The following GRM7 variants were observed in gnomAD, a reference collection of about 807,000 sequenced individuals.
GRM7 encodes the protein metabotropic glutamate receptor 7.
In GRM7, 35 loss-of-function variants were observed where a neutral mutation model predicts 84.5. The ratio of observed to expected loss-of-function variants is 0.41; its 90% CI spans 0.32 to 0.55. The LOEUF (loss-of-function observed/expected upper bound fraction) is 0.55. Ranked by LOEUF, GRM7 falls within the 20% of genes least tolerant of loss-of-function variation. GRM7 has a pLI of 0.19. For synonymous variants in GRM7, 487 were observed against 455.1 expected (o/e 1.07, Z -0.89); for missense variants, 1,003 against 1,194.6 (o/e 0.84, Z 2.36).
intron 8 of GRM7, among the ~76,000 whole-genome samples, chr3:7,669,090 A>T (rs767754222): frequency 6.6e-6 from 1 of 152,256 alleles, no homozygotes; most frequent in Non-Finnish European, 1.5e-5. Context: ...CGCCAATTCT[A>T]TTGCACTTGT....
intron 4 of GRM7, among the ~76,000 whole-genome samples, chr3:7,313,223 C>T (rs139451685): frequency 4.5e-4 from 69 of 152,262 alleles, no homozygotes; most frequent in African/African-American, 1.6e-3. Context: ...CCCACTGCGC[C>T]CAGCCTCTCC....
chr3:7,385,139 G>A (rs1051794442), intron 4 of GRM7, among the ~76,000 whole-genome samples: 8 of 151,824 alleles, frequency 5.3e-5, no homozygotes, highest in African/African-American at 1.4e-4. Flanking sequence ...ATCAAAATAA[G>A]GGAAAATGCA....
intron 1 of GRM7, among the ~76,000 whole-genome samples, chr3:6,924,336 G>A (rs1697227006): frequency 6.6e-6 from 1 of 152,128 alleles, no homozygotes; most frequent in Admixed American, 6.6e-5. Flanking sequence ...AAAATGAGAA[G>A]CATTTTGACC....
At chr3:7,396,071 C>T (rs1209737687) in intron 4 of GRM7, among the ~76,000 whole-genome samples, 1 of 151,850 alleles carries the variant, frequency 6.6e-6, no homozygotes, top group Admixed American at 6.6e-5. Context: ...AAATTAAAAC[C>T]AATATTTTAT....
intron 4 of GRM7, among the ~76,000 whole-genome samples, chr3:7,380,930 A>G (rs1196936117): frequency 6.6e-6 from 1 of 152,182 alleles, no homozygotes; most frequent in African/African-American, 2.4e-5. Flanking sequence ...AAAAATTTCT[A>G]TTAAAATGGA....
At chr3:7,038,711 C>T (rs1435287510) in intron 1 of GRM7, among the ~76,000 whole-genome samples, 1 of 152,188 alleles carries the variant, frequency 6.6e-6, no homozygotes, top group Non-Finnish European at 1.5e-5. Flanking sequence ...GGTTCTAATG[C>T]TGTGAACAGT....
intron 1 of GRM7, among the ~76,000 whole-genome samples, chr3:6,870,249 G>A (rs1475535745): frequency 2.0e-5 from 3 of 152,200 alleles, no homozygotes; most frequent in Non-Finnish European, 2.9e-5. Flanking sequence ...CTACTTTTAA[G>A]TAGGGTAATA....
chr3:7,479,408 G>T (rs767762310), intron 7 of GRM7, among the ~76,000 whole-genome samples: 35 of 151,980 alleles, frequency 2.3e-4, no homozygotes, highest in Admixed American at 7.9e-4. Flanking sequence ...AAGCAGAGAG[G>T]CAAAGAGTGC....
chr3:7,127,433 C>A lies in GRM7; in HGVS notation c.520-19019C>A, dbSNP rs1238720428. Among the ~76,000 whole-genome samples the A allele has an allele frequency of 1.3e-5, 2 of 152,126 alleles. 1 individual carries two copies. Among genetic ancestry groups the A allele is most frequent in the Non-Finnish European group, 2.9e-5 (2 of 68,022 alleles). On this transcript the variant is annotated intron_variant, in intron 1 of 9. Transcript: ENST00000357716. Reference sequence around the variant, plus strand: ...ACCCTAATAACCTGAATGACAGTATCTTATATAAATTTGAGTTAATAATTC... The same window carrying A: ...ACCCTAATAACCTGAATGACAGTATATTATATAAATTTGAGTTAATAATTC...
At chr3:7,452,566 GT>G in intron 5 of GRM7, 40 bp from the exon 6 acceptor site, 1 of 1,069,432 alleles carries the variant, frequency 9.4e-7, no homozygotes, top group East Asian at 2.3e-5. Context: ...ATTTGTGTGT[GT>G]GTGTGTGTGT....
At chr3:7,670,037 G>T (rs780708726) in intron 8 of GRM7, among the ~76,000 whole-genome samples, 21 of 147,072 alleles carry the variant, frequency 1.4e-4, no homozygotes, top group Non-Finnish European at 2.8e-4. Context: ...AACTAGCCTA[G>T]GTTCCAGCTG....
intron 8 of GRM7, among the ~76,000 whole-genome samples, chr3:7,637,796 C>G (rs1011335): frequency 0.87 from 132,514 of 152,228 alleles, 57,854 homozygotes; most frequent in African/African-American, 0.94. Flanking sequence ...AATATTAGCA[C>G]TGAAATGCAA....
At chr3:6,932,808 GC>G in intron 1 of GRM7, among the ~76,000 whole-genome samples, 1 of 139,482 alleles carries the variant, frequency 7.2e-6, no homozygotes, top group Non-Finnish European at 1.5e-5. Context: ...AGGCTGGAGT[GC>G]AATGGCGCGA....
At position 7,689,355 on chromosome 3, in the gene GRM7, C is replaced by T. The variant is rs185949327; in HGVS notation, c.2698+9060C>T. Among the ~76,000 whole-genome samples the T allele has an allele frequency of 1.4e-3, 216 of 152,304 alleles. 1 individual carries two copies. Among genetic ancestry groups the T allele is most frequent in the African/African-American group, 5.0e-3 (207 of 41,570 alleles). Reference sequence around the variant, plus strand: ...TCATGTTGGGACTCTCCCTCTTTAACATTCAATGTGTTATCTCTGCTGTAA... The same window carrying T: ...TCATGTTGGGACTCTCCCTCTTTAATATTCAATGTGTTATCTCTGCTGTAA... On this transcript the variant is annotated intron_variant, in intron 9 of 9. Coordinates refer to ENST00000357716, the MANE Select transcript of GRM7 (RefSeq NM_000844.4).
intron 4 of GRM7, among the ~76,000 whole-genome samples, 197 bp downstream of exon 4, chr3:7,306,849 A>G (rs1442281432): frequency 6.6e-6 from 1 of 152,190 alleles, no homozygotes; most frequent in African/African-American, 2.4e-5. Flanking sequence ...TGAGGAGATC[A>G]TATTATTTTC....
At position 7,578,984 on chromosome 3, in the gene GRM7, C is replaced by T; in HGVS notation, c.2078C>T (p.Ala693Val). Residue 693 changes from alanine (A) to valine (V), a missense_variant, in exon 8 of 10, where the codon GCT (alanine) becomes GTT (valine). Transcript: ENST00000357716. ...IFEQGKKSVT[A>V]PRLISPTSQL... The stretch of plus-strand genomic sequence containing the variant: ...GAGCAGGGCAAGAAATCAGTAACAG[C>T]TCCCAGACTCATAAGCCCAACATCA... The T allele has an allele frequency of 6.2e-7, 1 of 1,614,076 alleles. No individual in the cohort carries two copies. Among genetic ancestry groups the T allele is most frequent in the South Asian group, 1.1e-5 (1 of 91,078 alleles).
At chr3:6,901,604 T>TAAAAAA (rs33945077) in intron 1 of GRM7, among the ~76,000 whole-genome samples, 796 of 40,444 alleles carry the variant, frequency 0.02, 64 homozygotes, top group Non-Finnish European at 0.025. Context: ...AGACTCCGTC[T>TAAAAAA]AAAAAAAAAA....
At chr3:7,536,219 T>C (rs1461128461) in intron 7 of GRM7, among the ~76,000 whole-genome samples, 2 of 152,182 alleles carry the variant, frequency 1.3e-5, no homozygotes, top group Non-Finnish European at 1.5e-5. Context: ...TTGAGATCAC[T>C]TATCAGTTTG....
intron 9 of GRM7, among the ~76,000 whole-genome samples, chr3:7,700,040 T>G (rs1291434435): frequency 6.6e-6 from 1 of 152,208 alleles, no homozygotes; most frequent in Non-Finnish European, 1.5e-5. Flanking sequence ...GGATGTGATC[T>G]GATACATAGC....
Sources: gnomAD v4.1 joint callset for allele counts (sites outside exome capture counted in the v4.1 genomes callset) on GRCh38, gnomAD v4.1.1 for gene constraint, MANE v1.5 for transcripts, NCBI Gene and HGNC (gene_info 2026-07-23, HGNC 2026-07-21) for gene names.